The following PPP6R3 variants were observed in gnomAD, a reference collection of about 807,000 sequenced individuals.
The protein encoded by PPP6R3 is protein phosphatase 6 regulatory subunit 3.
Under a neutral mutation model 110.7 loss-of-function variants are expected in PPP6R3, and 38 were observed. The ratio of observed to expected loss-of-function variants is 0.34; its 90% confidence interval spans 0.26 to 0.45. The LOEUF is 0.45. PPP6R3 is among the 20% of genes least tolerant of loss of function. The pLI is 1.00. For synonymous variants in PPP6R3, 369 were observed against 373.5 expected, an observed-to-expected ratio of 0.99 and a Z score of 0.14; for missense variants, 870 against 1,062.4, an observed-to-expected ratio of 0.82 and a Z score of 2.52.
rs1349260284 is a variant in PPP6R3 at position 68,477,791 on chromosome 11, A to AT, written c.-158+16970dup. 2.4e-4 allele frequency among the ~76,000 whole-genome samples: 32 copies of AT among 135,020 alleles called. No homozygotes were observed. The South Asian group carries it at 2.4e-3, about 10-fold the overall frequency. 88.6% of individuals were successfully genotyped at this position (135,020 alleles called of 152,430 possible). Reference sequence around the variant, plus strand: ...ATATATAATTTCCAACTTACAGTCGATTTTTTGGGACATAACCAACCCCAT... The same window carrying AT: ...ATATATAATTTCCAACTTACAGTCGATTTTTTTGGGACATAACCAACCCCAT... On this transcript the variant is annotated intron_variant, in intron 1 of 23. Coordinates refer to ENST00000393800, the MANE Select transcript of PPP6R3 (RefSeq NM_001164161.2).
chr11:68,511,551 G>C (rs1234424369), intron 1 of PPP6R3, among the ~76,000 whole-genome samples: 1 of 145,304 alleles, frequency 6.9e-6, no homozygotes, highest in African/African-American at 2.6e-5. Flanking sequence ...CGCGATCTCA[G>C]CTCATGGCAA....
chr11:68,601,747 T>C lies in PPP6R3; in HGVS notation c.2193-116T>C, dbSNP rs1000827744. ...CTGGAGTTTGTAACCCAGTGACTCT[T>C]ACACAGATGCTAATGTCTCCTAACA... On this transcript the variant is annotated intron_variant, in intron 20 of 23. Coordinates refer to ENST00000393800, the MANE Select transcript of PPP6R3 (RefSeq NM_001164161.2). 15 of 788,382 alleles carry C rather than the reference T, an allele frequency of 1.9e-5. No homozygotes were observed. The Admixed American group carries it at 2.8e-4, about 15-fold the overall frequency. The allele number at this position is 788,382 out of a possible 1,614,324, so 48.8% of individuals were successfully genotyped here.
At chr11:68,586,911 A>G (rs973485547) in intron 15 of PPP6R3, 2 of 152,184 alleles carry the variant, frequency 1.3e-5, no homozygotes. Flanking sequence ...AGCAAATGCC[A>G]GTGGGAGTGA....
chr11:68,461,876 G>C (rs947568810), intron 1 of PPP6R3, among the ~76,000 whole-genome samples: 4 of 152,120 alleles, frequency 2.6e-5, no homozygotes, highest in African/African-American at 9.7e-5. Flanking sequence ...GCTTCAAGGG[G>C]GACAGGGACT....
Position 68,614,880 on chromosome 11 carries a change from A to C in PPP6R3, c.*1763A>C, listed in dbSNP as rs778173796. 25 of 895,982 alleles carry C rather than the reference A, an allele frequency of 2.8e-5. No individual in the cohort carries two copies. The highest frequency in any genetic ancestry group is 4.2e-5 in the Non-Finnish European group (24 of 567,084). The allele number at this position is 895,982 out of a possible 1,614,324, so 55.5% of individuals were successfully genotyped here. ...GGACCTCGGGGATTACTGGTAGATA[A>C]TATGCTCTGGTCTCGCCTGGTGGTG... On this transcript the variant is annotated 3_prime_UTR_variant, in exon 24 of 24. Transcript: ENST00000393800.
chr11:68,508,121 CTTTT>C (rs748376581), intron 1 of PPP6R3, among the ~76,000 whole-genome samples: 1,895 of 77,468 alleles, frequency 0.024, 5 homozygotes, highest in African/African-American at 0.04. Context: ...GTTTTTTGGC[CTTTT>C]TTTTTTTTTT....
At chr11:68,582,749 T>C (rs2099564630) in intron 14 of PPP6R3, among the ~76,000 whole-genome samples, 1 of 152,218 alleles carries the variant, frequency 6.6e-6, no homozygotes. Flanking sequence ...TGGAGGTGAT[T>C]ATCAAAATCA....
At chr11:68,593,181 C>A (rs768349285) in intron 18 of PPP6R3, among the ~76,000 whole-genome samples, 3 of 148,212 alleles carry the variant, frequency 2.0e-5, no homozygotes, top group Non-Finnish European at 4.5e-5. Context: ...TTTGTAATAC[C>A]TTCCTCTTTC....
chr11:68,573,438 A>G (rs1396365024), intron 12 of PPP6R3, among the ~76,000 whole-genome samples: 8 of 152,062 alleles, frequency 5.3e-5, no homozygotes, highest in Non-Finnish European at 8.8e-5. Context: ...GGCGTGAGCC[A>G]CTGTGCCTGG....
Position 68,602,100 on chromosome 11 carries a change from G to C in PPP6R3, c.2299+131G>C, listed in dbSNP as rs115011796. ...TGGGTCTGATGTCCACAGGGCAGCT[G>C]ATGAAAGAAATTGTGCCTGTCCTTC... On this transcript the variant is annotated intron_variant, in intron 21 of 23. Transcript: ENST00000393800. 1.2e-3 allele frequency: 785 copies of C among 641,806 alleles called. 6 individuals are homozygous for C. The African/African-American group carries it at 0.013, about 10-fold the overall frequency. The allele number at this position is 641,806 out of a possible 1,614,324, so 39.8% of individuals were successfully genotyped here. A position where few individuals can be genotyped will look rare whatever the true frequency, so the allele number is the denominator to read the frequency against.
At chr11:68,576,936 C>T (rs2099533936) in intron 14 of PPP6R3, among the ~76,000 whole-genome samples, 1 of 152,204 alleles carries the variant, frequency 6.6e-6, no homozygotes, top group South Asian at 2.1e-4. Flanking sequence ...TGTGTCACTC[C>T]CTGGAGGGCT....
chr11:68,507,245 C>CTTTTTTTTTTTTTTTTTTTT (rs1565485429), intron 1 of PPP6R3, among the ~76,000 whole-genome samples: 1 of 121,604 alleles, frequency 8.2e-6, no homozygotes, highest in Non-Finnish European at 1.7e-5. Context: ...AGTCTTTTTG[C>CTTTTTTTTTTTTTTTTTTTT]ATTTTTTTTT....
At chr11:68,474,363 T>C (rs2098813560) in intron 1 of PPP6R3, among the ~76,000 whole-genome samples, 2 of 152,232 alleles carry the variant, frequency 1.3e-5, no homozygotes, top group African/African-American at 2.4e-5. Context: ...CTTTTAAATA[T>C]CATATTGGCT....
intron 23 of PPP6R3, among the ~76,000 whole-genome samples, chr11:68,612,154 A>G (rs1245767464): frequency 2.0e-5 from 3 of 152,224 alleles, no homozygotes; most frequent in Non-Finnish European, 4.4e-5. Context: ...GTTTAAGTGA[A>G]GGCAAGTTAG....
chr11:68,481,556 A>G (rs2098912620), intron 1 of PPP6R3, among the ~76,000 whole-genome samples: 1 of 152,264 alleles, frequency 6.6e-6, no homozygotes, highest in Non-Finnish European at 1.5e-5. Flanking sequence ...GACATGGGTT[A>G]GAGAGAGCGA....
At chr11:68,538,139 CAA>C (rs1450671641) in intron 3 of PPP6R3, among the ~76,000 whole-genome samples, 3 of 152,110 alleles carry the variant, frequency 2.0e-5, no homozygotes, top group African/African-American at 7.2e-5. Context: ...GCTTTGTAAA[CAA>C]TGATGATAAA....
chr11:68,610,014 C>G lies in PPP6R3; in HGVS notation c.2561C>G (p.Pro854Arg). 1 of 1,613,828 alleles carries G rather than the reference C, an allele frequency of 6.2e-7. No homozygotes were observed. The highest frequency in any genetic ancestry group is 8.5e-7 in the Non-Finnish European group (1 of 1,179,974). ...GCGCCCAGGCCTCCCAGCAGCAGTC[C>G]CGAGCAGAGGTAACCACCCGCCTCC... ...CAAPRPPSSSPEQRTGQPSAP... is the reference protein window; with the variant it reads ...CAAPRPPSSSREQRTGQPSAP... Residue 854 changes from proline (P) to arginine (R), a missense_variant, in exon 23 of 24, where the codon CCC (proline) becomes CGC (arginine). Physicochemically the swap from Pro to Arg is moderately radical, Grantham distance 103. Transcript: ENST00000393800.
At chr11:68,484,123 A>G (rs925396731) in intron 1 of PPP6R3, among the ~76,000 whole-genome samples, 1 of 152,248 alleles carries the variant, frequency 6.6e-6, no homozygotes, top group Non-Finnish European at 1.5e-5. Context: ...ACCTACTGAA[A>G]GATAGCTTGG....
chr11:68,516,236 A>T (rs1056970992), intron 1 of PPP6R3, among the ~76,000 whole-genome samples: 2 of 152,174 alleles, frequency 1.3e-5, no homozygotes, highest in Non-Finnish European at 2.9e-5. Context: ...GAAATTTCGA[A>T]ATGCTTCAAA....
Sources: gnomAD v4.1 joint callset for allele counts (sites outside exome capture counted in the v4.1 genomes callset) on GRCh38, gnomAD v4.1.1 for gene constraint, MANE v1.5 for transcripts, NCBI Gene and HGNC (gene_info 2026-07-23, HGNC 2026-07-21) for gene names.